The following CALCR variants were observed in gnomAD, a reference collection of about 807,000 sequenced individuals.
CALCR encodes the protein calcitonin receptor.
A neutral mutation model predicts 59.5 loss-of-function variants in CALCR; 47 were observed. That is an observed-to-expected ratio of 0.79 (90% CI 0.63 to 1.01). The LOEUF (loss-of-function observed/expected upper bound fraction) is 1.01, where lower values mean the gene tolerates loss of function less well. Ranked by LOEUF, CALCR falls within the 50% of genes least tolerant of loss-of-function variation. The pLI is 0.00. For missense variants in CALCR, 566 were observed against 597.1 expected, an observed-to-expected ratio of 0.95 and a Z score of 0.54; for synonymous variants, 213 against 211.3, an observed-to-expected ratio of 1.01 and a Z score of -0.07.
intron 2 of CALCR, among the ~76,000 whole-genome samples, chr7:93,518,568 T>C (rs1441144160): frequency 6.6e-6 from 1 of 151,888 alleles, no homozygotes; most frequent in Admixed American, 6.6e-5. Flanking sequence ...GGTGGGAGCA[T>C]AGGGATACAA....
intron 8 of CALCR, among the ~76,000 whole-genome samples, chr7:93,459,023 A>T (rs1800264335): frequency 6.6e-6 from 1 of 152,186 alleles, no homozygotes; most frequent in Non-Finnish European, 1.5e-5. Context: ...GAAAGCAGAG[A>T]AGTACTTGGG....
chr7:93,454,960 TC>T (rs1800181691), intron 8 of CALCR, among the ~76,000 whole-genome samples: 2 of 140,590 alleles, frequency 1.4e-5, no homozygotes, highest in Non-Finnish European at 3.0e-5. Context: ...GTGTGTGTTT[TC>T]CTTACCCTCA....
chr7:93,439,096 A>G (rs1799845577), intron 9 of CALCR, among the ~76,000 whole-genome samples: 1 of 152,188 alleles, frequency 6.6e-6, no homozygotes, highest in African/African-American at 2.4e-5. Context: ...TTTGATTGAG[A>G]CATCTGTAGA....
At chr7:93,565,904 C>G (rs1789854683) in intron 2 of CALCR, among the ~76,000 whole-genome samples, 1 of 152,116 alleles carries the variant, frequency 6.6e-6, no homozygotes, top group South Asian at 2.1e-4. Context: ...AATAATTATG[C>G]TGGAAGTTGG....
At chr7:93,462,099 G>T in intron 7 of CALCR, 1 of 1,499,898 alleles carries the variant, frequency 6.7e-7, no homozygotes, top group Non-Finnish European at 9.0e-7. Flanking sequence ...AGGAAAAATA[G>T]TTGTCAATTT....
At chr7:93,459,366 G>A (rs1363996362) in intron 8 of CALCR, among the ~76,000 whole-genome samples, 2 of 152,172 alleles carry the variant, frequency 1.3e-5, no homozygotes, top group Non-Finnish European at 1.5e-5. Context: ...GAGGCAAATT[G>A]CTTTGCCTTT....
At chr7:93,428,857 C>T (rs1422803388) in intron 13 of CALCR, among the ~76,000 whole-genome samples, 1 of 151,468 alleles carries the variant, frequency 6.6e-6, no homozygotes, top group Non-Finnish European at 1.5e-5. Context: ...CAAGATTATC[C>T]TTGTAGCTGA....
intron 2 of CALCR, among the ~76,000 whole-genome samples, chr7:93,496,749 T>A (rs1163423514): frequency 6.6e-6 from 1 of 151,612 alleles, no homozygotes; most frequent in Admixed American, 6.6e-5. Context: ...TGAGCTGTTG[T>A]CACCCAAGGC....
At chr7:93,532,442 G>C (rs1381862992) in intron 2 of CALCR, among the ~76,000 whole-genome samples, 1 of 151,986 alleles carries the variant, frequency 6.6e-6, no homozygotes, top group East Asian at 1.9e-4. Context: ...GCAGAGTAGA[G>C]TAAAGTTCAG....
At chr7:93,536,515 C>T (rs974201143) in intron 2 of CALCR, among the ~76,000 whole-genome samples, 17 of 150,266 alleles carry the variant, frequency 1.1e-4, no homozygotes, top group Non-Finnish European at 1.9e-4. Context: ...TTTTTCTTTT[C>T]CCCCAAGAGG....
intron 2 of CALCR, among the ~76,000 whole-genome samples, chr7:93,539,099 T>C (rs1789064756): frequency 6.6e-6 from 1 of 152,132 alleles, no homozygotes; most frequent in Non-Finnish European, 1.5e-5. Flanking sequence ...GTTGATATGT[T>C]ACAATAGCTC....
At chr7:93,442,715 A>G (rs929412429) in intron 9 of CALCR, among the ~76,000 whole-genome samples, 1 of 151,540 alleles carries the variant, frequency 6.6e-6, no homozygotes, top group African/African-American at 2.4e-5. Context: ...CTCTGCTCTC[A>G]GAGTCACAGT....
intron 7 of CALCR, chr7:93,461,938 T>G: frequency 1.6e-6 from 1 of 644,338 alleles, no homozygotes; most frequent in Non-Finnish European, 2.7e-6. Context: ...GCGTAAAACA[T>G]GCCAATGACT....
intron 13 of CALCR, among the ~76,000 whole-genome samples, chr7:93,429,455 T>C (rs530853726): frequency 2.0e-5 from 3 of 152,332 alleles, no homozygotes; most frequent in Admixed American, 2.0e-4. Context: ...ACTATTCACT[T>C]TACTTTTTTT....
At chr7:93,493,808 G>A (rs1043459219) in intron 2 of CALCR, among the ~76,000 whole-genome samples, 4 of 151,476 alleles carry the variant, frequency 2.6e-5, no homozygotes, top group Non-Finnish European at 5.9e-5. Context: ...GAAAGTAGGT[G>A]GAGGAGGCAA....
intron 13 of CALCR, 75 bp downstream of exon 13, chr7:93,434,178 T>C: frequency 1.0e-6 from 1 of 1,004,462 alleles, no homozygotes. Context: ...GAAATGAAAT[T>C]TGTACAGAGG....
At chr7:93,500,924 C>G (rs1485908316) in intron 2 of CALCR, among the ~76,000 whole-genome samples, 2 of 151,958 alleles carry the variant, frequency 1.3e-5, no homozygotes, top group African/African-American at 4.8e-5. Flanking sequence ...TCATTACAAA[C>G]TTTCCTTTTC....
intron 2 of CALCR, among the ~76,000 whole-genome samples, chr7:93,545,269 T>C (rs539506296): frequency 6.6e-6 from 1 of 152,234 alleles, no homozygotes; most frequent in African/African-American, 2.4e-5. Context: ...TCATGTTACA[T>C]AGATTAAAAA....
At chr7:93,556,476 C>T (rs1012841988) in intron 2 of CALCR, among the ~76,000 whole-genome samples, 1 of 151,936 alleles carries the variant, frequency 6.6e-6, no homozygotes, top group African/African-American at 2.4e-5. Flanking sequence ...GAAATCTAAA[C>T]TGGAGATAAC....
Sources: allele counts gnomAD v4.1 joint callset (sites outside exome capture counted in the v4.1 genomes callset), GRCh38; gene constraint gnomAD v4.1.1; transcripts MANE v1.5; gene names NCBI Gene and HGNC (gene_info 2026-07-23, HGNC 2026-07-21).